The following RSPO4 variants were observed in gnomAD, a reference collection of about 807,000 sequenced individuals.
RSPO4 encodes R-spondin-4.
RSPO4 carries 23 observed loss-of-function variants against 24.8 expected under a neutral mutation model. The observed-to-expected ratio is 0.93, with a 90% CI of 0.67 to 1.31. The LOEUF is 1.31. Ranked by LOEUF, RSPO4 falls within the 40% of genes most tolerant of loss-of-function variation. RSPO4 has a pLI of 0.00. For missense variants in RSPO4, 333 were observed against 316.5 expected (o/e 1.05, Z -0.39); for synonymous variants, 141 against 127.4 (o/e 1.11, Z -0.72).
At chr20:982,800 C>T (rs543028695) in intron 1 of RSPO4, among the ~76,000 whole-genome samples, 5 of 152,322 alleles carry the variant, frequency 3.3e-5, no homozygotes, top group Middle Eastern at 3.4e-3. Flanking sequence ...CTGCTAATTC[C>T]CTCTCCCTCT....
intron 1 of RSPO4, among the ~76,000 whole-genome samples, chr20:990,195 C>T (rs111299489): frequency 7.2e-5 from 11 of 152,238 alleles, no homozygotes; most frequent in African/African-American, 2.2e-4. Flanking sequence ...TTCCAAAGGC[C>T]GACAAATGCT....
intron 4 of RSPO4, among the ~76,000 whole-genome samples, chr20:962,801 C>T (rs940652856): frequency 9.8e-5 from 15 of 152,292 alleles, no homozygotes; most frequent in East Asian, 7.8e-4. Context: ...TTAGATTCCT[C>T]TTTGCATGAC....
intron 1 of RSPO4, among the ~76,000 whole-genome samples, chr20:989,026 C>G (rs1330206969): frequency 6.6e-6 from 1 of 152,202 alleles, no homozygotes; most frequent in African/African-American, 2.4e-5. Flanking sequence ...AGTACTTGTT[C>G]TGAGTTCCTC....
chr20:1,000,592 T>C (rs900795175), intron 1 of RSPO4, among the ~76,000 whole-genome samples: 1 of 152,152 alleles, frequency 6.6e-6, no homozygotes. Flanking sequence ...ATCTCAGAGA[T>C]CTTCTAAAGG....
At chr20:984,297 C>T (rs2122245216) in intron 1 of RSPO4, among the ~76,000 whole-genome samples, 1 of 151,522 alleles carries the variant, frequency 6.6e-6, no homozygotes, top group East Asian at 1.9e-4. Context: ...CGAGATCATG[C>T]CACTACACTC....
chr20:960,830 T>C (rs551061444), intron 4 of RSPO4, among the ~76,000 whole-genome samples: 1 of 152,342 alleles, frequency 6.6e-6, no homozygotes, highest in Non-Finnish European at 1.5e-5. Flanking sequence ...CTTCCATAGC[T>C]GAGCAGGCTC....
intron 3 of RSPO4, among the ~76,000 whole-genome samples, chr20:966,467 C>T (rs191727412): frequency 6.6e-6 from 1 of 150,846 alleles, no homozygotes; most frequent in African/African-American, 2.4e-5. Flanking sequence ...TTTTTTCTAA[C>T]GTTTGGAGAA....
intron 1 of RSPO4, among the ~76,000 whole-genome samples, chr20:998,979 C>T (rs949621349): frequency 1.4e-5 from 2 of 147,832 alleles, no homozygotes; most frequent in South Asian, 2.2e-4. Context: ...CACTCTCTCT[C>T]GCTCTCTTTT....
At position 959,884 on chromosome 20, in the gene RSPO4, C is replaced by T; in HGVS notation, c.*473G>A. 5.7e-6 allele frequency: 1 copy of T among 174,112 alleles called. No homozygotes were observed. Among genetic ancestry groups the T allele is most frequent in the Non-Finnish European group, 1.2e-5 (1 of 81,382 alleles). 10.8% of individuals were successfully genotyped at this position (174,112 alleles called of 1,614,324 possible). A position where few individuals can be genotyped will look rare whatever the true frequency, so the allele number is the denominator to read the frequency against. On this transcript the variant is annotated 3_prime_UTR_variant, in exon 5 of 5. Coordinates refer to ENST00000217260, the MANE Select transcript of RSPO4 (RefSeq NM_001029871.4). ...ACCTGTGCTGTGTCCCAGCTTTGCC[C>T]TCTGGAAACCCTTTCTCTGCAAAGA...
chr20:992,361 G>A lies in RSPO4; in HGVS notation c.79+9725C>T, dbSNP rs144651934. On this transcript the variant is annotated intron_variant, in intron 1 of 4. Transcript: ENST00000217260. ...GAGTGAACAGAGACTCAGAGAGGGT[G>A]GGTCACTGTGCCACAGTCACACAGC... Among the ~76,000 whole-genome samples the A allele has an allele frequency of 4.3e-3, 657 of 151,198 alleles. 3 individuals carry two copies. Among genetic ancestry groups the A allele is most frequent in the African/African-American group, 0.015 (599 of 41,124 alleles).
chr20:967,035 C>G (rs772172397), intron 3 of RSPO4, 139 bp downstream of exon 3: 21 of 778,804 alleles, frequency 2.7e-5, no homozygotes, highest in Non-Finnish European at 3.7e-5. Flanking sequence ...CCCAGTGTAC[C>G]TGACATGGTG....
chr20:965,467 G>A (rs1347117408), intron 3 of RSPO4, among the ~76,000 whole-genome samples: 1 of 152,236 alleles, frequency 6.6e-6, no homozygotes, highest in Admixed American at 6.5e-5. Context: ...CTCCGCCCAA[G>A]GGCAGTGGGA....
At chr20:961,508 A>G (rs1983997361) in intron 4 of RSPO4, among the ~76,000 whole-genome samples, 1 of 152,150 alleles carries the variant, frequency 6.6e-6, no homozygotes, top group Non-Finnish European at 1.5e-5. Context: ...TCCTCTGCAG[A>G]GCAGAGTCAA....
Position 982,818 on chromosome 20 carries a change from G to A in RSPO4, c.80-14680C>T, listed in dbSNP as rs1483605218. 2.0e-5 allele frequency among the ~76,000 whole-genome samples: 3 copies of A among 152,218 alleles called. No individual in the cohort carries two copies. The East Asian group carries it at 5.8e-4, about 29-fold the overall frequency. ...CTAATTCCCTCTCCCTCTTGTCGGG[G>A]GTTTATGATTCCTCAGGGCTCTTGA... On this transcript the variant is annotated intron_variant, in intron 1 of 4. Coordinates refer to ENST00000217260, the MANE Select transcript of RSPO4 (RefSeq NM_001029871.4).
rs1984740761 is a variant in RSPO4, at chr20:981,716, AG to A, written c.80-13579del. On this transcript the variant is annotated intron_variant, in intron 1 of 4. Coordinates refer to ENST00000217260, the MANE Select transcript of RSPO4 (RefSeq NM_001029871.4). This position sits in a 1 kb window ranked among gnomAD's most constrained non-coding sequence, Gnocchi z 4.6. Reference sequence around the variant, plus strand: ...CCCGACATGTGTGTGTTTGGGGGACAGGGGCAGGTATGTGCCGACACACGAG... The same window carrying A: ...CCCGACATGTGTGTGTTTGGGGGACAGGGCAGGTATGTGCCGACACACGAG... Among the ~76,000 whole-genome samples the A allele has an allele frequency of 6.6e-6, 1 of 152,140 alleles. No individual in the cohort carries two copies. The highest frequency in any genetic ancestry group is 2.1e-4 in the South Asian group (1 of 4,828).
In RSPO4 at chr20:1,002,013, CGCCCCCGGTCCTCCG is replaced by C; in HGVS notation, c.79+58_79+72del. On this transcript the variant is annotated intron_variant, in intron 1 of 4. Coordinates refer to ENST00000217260, the MANE Select transcript of RSPO4 (RefSeq NM_001029871.4). The surrounding 1 kb of genome is among the most constrained non-coding windows in gnomAD (Gnocchi z 4.6). ...ACCAGGCAGATGCCCCCAGAGCCGC[CGCCCCCGGTCCTCCG>C]GCCCCCGGTCTGCCCCGCAGCGCCT... 1.5e-6 allele frequency: 2 copies of C among 1,347,598 alleles called. No homozygotes were observed. Among genetic ancestry groups the C allele is most frequent in the South Asian group, 2.5e-5 (2 of 80,082 alleles). 83.5% of individuals were successfully genotyped at this position (1,347,598 alleles called of 1,614,324 possible). A position where few individuals can be genotyped will look rare whatever the true frequency, so the allele number is the denominator to read the frequency against.
At chr20:995,190 A>G (rs1490402866) in intron 1 of RSPO4, among the ~76,000 whole-genome samples, 1 of 152,180 alleles carries the variant, frequency 6.6e-6, no homozygotes, top group Non-Finnish European at 1.5e-5. Flanking sequence ...AATTTCAGAG[A>G]GAAAATGAAA....
At chr20:991,966 G>A (rs922011920) in intron 1 of RSPO4, among the ~76,000 whole-genome samples, 1 of 152,136 alleles carries the variant, frequency 6.6e-6, no homozygotes, top group African/African-American at 2.4e-5. Context: ...TAAGGAGTCC[G>A]ATTGGCTCAA....
chr20:991,919 G>C (rs1985114147), intron 1 of RSPO4, among the ~76,000 whole-genome samples: 1 of 152,138 alleles, frequency 6.6e-6, no homozygotes, highest in Admixed American at 6.5e-5. Flanking sequence ...AGGAGAGCAA[G>C]GTCTTGCTAG....
Sources: allele counts gnomAD v4.1 joint callset (sites outside exome capture counted in the v4.1 genomes callset), GRCh38; gene constraint gnomAD v4.1.1; non-coding constraint Gnocchi (gnomAD v3.1); transcripts MANE v1.5; gene names NCBI Gene and HGNC (gene_info 2026-07-23, HGNC 2026-07-21).